CD226: variants seen among roughly 807,000 people sequenced by gnomAD.
CD226 encodes CD226 antigen.
A neutral mutation model predicts 34.9 loss-of-function variants in CD226; 24 were observed. The observed-to-expected ratio is 0.69, with a 90% CI of 0.50 to 0.97. The LOEUF is 0.97. Among genes scored for constraint, CD226 ranks in the 50% least tolerant of loss-of-function variants. The probability of loss-of-function intolerance (pLI) is 0.00; values close to 1 mark genes in which losing one functional copy is unlikely to be tolerated. For synonymous variants in CD226, 148 were observed against 147.4 expected (o/e 1.00, Z -0.03); for missense variants, 397 against 412.7 (o/e 0.96, Z 0.33).
intron 2 of CD226, among the ~76,000 whole-genome samples, chr18:69,904,318 C>T (rs1234179190): frequency 2.6e-5 from 4 of 152,186 alleles, no homozygotes; most frequent in Non-Finnish European, 4.4e-5. Context: ...GTCCAAAGAG[C>T]GATTCCCCTG....
At chr18:69,890,158 C>T (rs1984805064) in intron 3 of CD226, among the ~76,000 whole-genome samples, 1 of 152,186 alleles carries the variant, frequency 6.6e-6, no homozygotes, top group Non-Finnish European at 1.5e-5. Flanking sequence ...ATGGACACAG[C>T]CCCTACTAGA....
At chr18:69,946,022 C>T (rs2055785017) in intron 2 of CD226, among the ~76,000 whole-genome samples, 1 of 151,618 alleles carries the variant, frequency 6.6e-6, no homozygotes, top group South Asian at 2.1e-4. Context: ...TCCCACAACA[C>T]ATGGGAATTC....
chr18:69,912,497 C>T (rs1364028035), intron 2 of CD226, among the ~76,000 whole-genome samples: 1 of 152,154 alleles, frequency 6.6e-6, no homozygotes, highest in African/African-American at 2.4e-5. Flanking sequence ...GTATACAAAG[C>T]TCTGTACATT....
intron 2 of CD226, among the ~76,000 whole-genome samples, chr18:69,913,279 A>G (rs1382465792): frequency 6.6e-6 from 1 of 152,234 alleles, no homozygotes; most frequent in Non-Finnish European, 1.5e-5. Flanking sequence ...GAAACATTTT[A>G]GAAAATAGAT....
Position 69,855,543 on chromosome 18 carries a change from A to G in CD226, c.*8771T>C, listed in dbSNP as rs1344841436. The G allele has an allele frequency of 6.6e-6, 1 of 152,194 alleles. No individual in the cohort carries two copies. The highest frequency in any genetic ancestry group is 2.4e-5 in the African/African-American group (1 of 41,454). The allele number at this position is 152,194 out of a possible 1,614,324, so 9.4% of individuals were successfully genotyped here. A position where few individuals can be genotyped will look rare whatever the true frequency, so the allele number is the denominator to read the frequency against. ...AGAAAGAATGGAGCAAAAGAATGTT[A>G]GAAGTAATAACGTCTGGGAACTTGC... On this transcript the variant is annotated 3_prime_UTR_variant, in exon 6 of 6. Coordinates refer to ENST00000582621, the MANE Select transcript of CD226 (RefSeq NM_001303618.2).
intron 2 of CD226, among the ~76,000 whole-genome samples, chr18:69,921,197 C>T (rs1050643858): frequency 2.6e-5 from 4 of 152,142 alleles, no homozygotes; most frequent in Admixed American, 2.6e-4. Flanking sequence ...GCCTCCTTCT[C>T]TCTGCCCTCA....
intron 2 of CD226, among the ~76,000 whole-genome samples, chr18:69,925,049 A>C (rs966864184): frequency 7.2e-5 from 11 of 152,248 alleles, no homozygotes; most frequent in African/African-American, 2.7e-4. Context: ...GACCTAACTC[A>C]TGAACTGAAC....
intron 2 of CD226, among the ~76,000 whole-genome samples, chr18:69,926,821 GA>G (rs2055527935): frequency 6.6e-6 from 1 of 152,136 alleles, no homozygotes; most frequent in Non-Finnish European, 1.5e-5. Context: ...GAAAAATGAA[GA>G]AACTTTTCAG....
chr18:69,876,820 C>T lies in CD226; in HGVS notation c.728-3574G>A, dbSNP rs112248591. Among the ~76,000 whole-genome samples the T allele has an allele frequency of 3.0e-4, 45 of 151,414 alleles. 1 individual carries two copies. Among genetic ancestry groups the T allele is most frequent in the African/African-American group, 9.7e-4 (40 of 41,344 alleles). ...CCCCTCCTCCATTGCTAACCCTGCC[C>T]TTCAGACACCAATTGCAAGTCCAGG... is the stretch of plus-strand genomic sequence containing the variant. On this transcript the variant is annotated intron_variant, in intron 3 of 5. Coordinates refer to ENST00000582621, the MANE Select transcript of CD226 (RefSeq NM_001303618.2).
In CD226 at chr18:69,857,077, G is replaced by C; in HGVS notation, c.*7237C>G. ...CCAGCTACTCGGGAGGCTGAGGCAGGAGAATGGCGTGAACCTGGAAGACGC... is the reference window on the plus strand; with the variant it reads ...CCAGCTACTCGGGAGGCTGAGGCAGCAGAATGGCGTGAACCTGGAAGACGC... On this transcript the variant is annotated 3_prime_UTR_variant, in exon 6 of 6. Transcript: ENST00000582621. 6.6e-6 allele frequency: 1 copy of C among 152,314 alleles called. No individual in the cohort carries two copies. Among genetic ancestry groups the C allele is most frequent in the Non-Finnish European group, 1.5e-5 (1 of 68,100 alleles). The allele number at this position is 152,314 out of a possible 1,614,324, so 9.4% of individuals were successfully genotyped here.
upstream of CD226, among the ~76,000 whole-genome samples, chr18:69,950,798 T>C (rs1364607629): frequency 2.0e-5 from 3 of 152,118 alleles, no homozygotes; most frequent in Non-Finnish European, 2.9e-5. Flanking sequence ...TGGAGATTGT[T>C]AAGCACCAGA....
At chr18:69,939,580 T>C (rs1319019790) in intron 2 of CD226, among the ~76,000 whole-genome samples, 2 of 152,220 alleles carry the variant, frequency 1.3e-5, no homozygotes, top group African/African-American at 4.8e-5. Context: ...GTCAGGAATT[T>C]TCCCTATAAT....
At chr18:69,892,914 T>G (rs1984992956) in intron 3 of CD226, among the ~76,000 whole-genome samples, 1 of 152,216 alleles carries the variant, frequency 6.6e-6, no homozygotes, top group African/African-American at 2.4e-5. Flanking sequence ...CAATCACCTT[T>G]CCCTTGGCAG....
rs953994283 is a variant in CD226 at position 69,861,549 on chromosome 18, T to C, written c.*2765A>G. 3 of 77,202 alleles carry C rather than the reference T, an allele frequency of 3.9e-5. No homozygotes were observed. Among genetic ancestry groups the C allele is most frequent in the African/African-American group, 1.4e-4 (3 of 21,832 alleles). The allele number at this position is 77,202 out of a possible 1,614,324, so 4.8% of individuals were successfully genotyped here. A position where few individuals can be genotyped will look rare whatever the true frequency, so the allele number is the denominator to read the frequency against. On this transcript the variant is annotated 3_prime_UTR_variant, in exon 6 of 6. Transcript: ENST00000582621. The stretch of plus-strand genomic sequence containing the variant: ...TCGATATAAATTATATGTGTATATA[T>C]ATATGTATATATATATATATATATG...
chr18:69,933,327 T>C (rs2055611605), intron 2 of CD226, among the ~76,000 whole-genome samples: 1 of 152,176 alleles, frequency 6.6e-6, no homozygotes, highest in Non-Finnish European at 1.5e-5. Context: ...TCTGGCCAAA[T>C]TTGTTTTTCA....
At chr18:69,930,838 C>T (rs538361220) in intron 2 of CD226, among the ~76,000 whole-genome samples, 13 of 152,274 alleles carry the variant, frequency 8.5e-5, no homozygotes, top group East Asian at 3.9e-4. Flanking sequence ...ATCCAGGTTT[C>T]GACTCCTCTG....
intron 3 of CD226, among the ~76,000 whole-genome samples, chr18:69,882,973 G>A (rs1984350423): frequency 6.6e-6 from 1 of 152,136 alleles, no homozygotes; most frequent in African/African-American, 2.4e-5. Flanking sequence ...TGGCTCCAAG[G>A]GATTATTATG....
intron 2 of CD226, among the ~76,000 whole-genome samples, chr18:69,907,576 C>G (rs1432104063): frequency 1.3e-5 from 2 of 152,196 alleles, no homozygotes; most frequent in Non-Finnish European, 2.9e-5. Context: ...TCCCAAAGTG[C>G]TGGGATTACA....
At chr18:69,926,613 G>C (rs1447124641) in intron 2 of CD226, among the ~76,000 whole-genome samples, 1 of 152,182 alleles carries the variant, frequency 6.6e-6, no homozygotes, top group Non-Finnish European at 1.5e-5. Context: ...GAAATGAGTT[G>C]AAGTTTCAGA....
Sources: gnomAD v4.1 joint callset for allele counts (sites outside exome capture counted in the v4.1 genomes callset) on GRCh38, gnomAD v4.1.1 for gene constraint, MANE v1.5 for transcripts, NCBI Gene and HGNC (gene_info 2026-07-23, HGNC 2026-07-21) for gene names.